Variants in LDLRAD3 observed in about 807,000 individuals in gnomAD.
LDLRAD3 encodes the protein low density lipoprotein receptor class A domain containing 3.
In LDLRAD3, 20 loss-of-function variants were observed where a neutral mutation model predicts 29.4. The ratio of observed to expected loss-of-function variants is 0.68; its 90% CI spans 0.48 to 0.99. LDLRAD3 has a LOEUF of 0.99. Ranked by LOEUF, LDLRAD3 falls within the 50% of genes least tolerant of loss-of-function variation. LDLRAD3 has a pLI of 0.00. For synonymous variants in LDLRAD3, 157 were observed against 192.7 expected, an observed-to-expected ratio of 0.81 and a Z score of 1.53; for missense variants, 420 against 454.3, an observed-to-expected ratio of 0.92 and a Z score of 0.69.
intron 1 of LDLRAD3, among the ~76,000 whole-genome samples, chr11:36,013,558 T>C (rs1450193124): frequency 6.7e-6 from 1 of 150,304 alleles, no homozygotes; most frequent in African/African-American, 2.4e-5. Flanking sequence ...ACATGTGGTG[T>C]TTGGTTTTCT....
chr11:36,128,596 C>T (rs1017433862), intron 4 of LDLRAD3, among the ~76,000 whole-genome samples: 1 of 152,150 alleles, frequency 6.6e-6, no homozygotes, highest in Non-Finnish European at 1.5e-5. Context: ...TGCCTGTAAT[C>T]CCAACACTTT....
chr11:36,075,852 A>G (rs1342728298), intron 2 of LDLRAD3, among the ~76,000 whole-genome samples: 1 of 151,824 alleles, frequency 6.6e-6, no homozygotes, highest in Non-Finnish European at 1.5e-5. Flanking sequence ...ACCGTTGTTG[A>G]TTTTGTTGCT....
At chr11:36,192,946 C>T (rs1854977694) in intron 4 of LDLRAD3, among the ~76,000 whole-genome samples, 1 of 152,188 alleles carries the variant, frequency 6.6e-6, no homozygotes, top group Non-Finnish European at 1.5e-5. Context: ...GGGTGCAACT[C>T]AGAGGAAGTT....
intron 3 of LDLRAD3, among the ~76,000 whole-genome samples, chr11:36,091,739 C>A (rs1425951962): frequency 6.6e-6 from 1 of 152,152 alleles, no homozygotes; most frequent in African/African-American, 2.4e-5. Context: ...GACTGGTAAG[C>A]CACAACGAGG....
chr11:36,224,665 T>C (rs1310781126), intron 4 of LDLRAD3, among the ~76,000 whole-genome samples: 3 of 152,228 alleles, frequency 2.0e-5, no homozygotes. Flanking sequence ...AGAATCTTTG[T>C]AGCTTTTAGT....
intron 4 of LDLRAD3, among the ~76,000 whole-genome samples, chr11:36,219,399 C>T (rs4485080): frequency 0.15 from 23,522 of 152,052 alleles, 2,590 homozygotes; most frequent in African/African-American, 0.31. Context: ...TACCTCATTT[C>T]GAGACTTAAC....
chr11:36,017,822 C>T (rs958575067), intron 1 of LDLRAD3, among the ~76,000 whole-genome samples: 9 of 152,180 alleles, frequency 5.9e-5, no homozygotes, highest in African/African-American at 1.9e-4. Flanking sequence ...CTACATCTGG[C>T]CCATGTTTCA....
chr11:36,078,599 G>T (rs1484669389), intron 2 of LDLRAD3, among the ~76,000 whole-genome samples: 2 of 152,214 alleles, frequency 1.3e-5, no homozygotes, highest in African/African-American at 4.8e-5. Context: ...TGGGAGTAAG[G>T]GGGGCCCAGG....
chr11:36,083,598 A>G (rs549171039), intron 3 of LDLRAD3, among the ~76,000 whole-genome samples: 3 of 152,282 alleles, frequency 2.0e-5, no homozygotes, highest in Non-Finnish European at 4.4e-5. Flanking sequence ...AGAAGACCAT[A>G]GTTACTAGGA....
chr11:36,039,032 T>A (rs927174919), intron 2 of LDLRAD3, among the ~76,000 whole-genome samples: 1 of 151,112 alleles, frequency 6.6e-6, no homozygotes, highest in East Asian at 2.0e-4. Flanking sequence ...TGCAGTGGCG[T>A]GATCTCGGCT....
intron 1 of LDLRAD3, among the ~76,000 whole-genome samples, chr11:35,968,926 G>A (rs1851375661): frequency 6.6e-6 from 1 of 152,094 alleles, no homozygotes. Context: ...TCATCATTTG[G>A]TAACTGGCAG....
In LDLRAD3 at chr11:36,156,913, A is replaced by T. The variant is rs146833240; in HGVS notation, c.454+58452A>T. Among the ~76,000 whole-genome samples the T allele has an allele frequency of 4.6e-5, 7 of 152,258 alleles. No individual in the cohort carries two copies. The East Asian group carries it at 1.4e-3, about 29-fold the overall frequency. On this transcript the variant is annotated intron_variant, in intron 4 of 5. Coordinates refer to ENST00000315571, the MANE Select transcript of LDLRAD3 (RefSeq NM_174902.4). ...TGTATGTCAGTCACTGCCTTTTCGG[A>T]TCTGGTTGAAAAGCTGCAAATATTT...
At chr11:36,081,925 C>T (rs998568200) in intron 3 of LDLRAD3, 147 bp downstream of exon 3, 1 of 979,298 alleles carries the variant, frequency 1.0e-6, no homozygotes, top group South Asian at 1.7e-5. Flanking sequence ...TTCCCTACTT[C>T]TTGTGTAAAT....
intron 4 of LDLRAD3, among the ~76,000 whole-genome samples, chr11:36,199,581 A>ACACACACC (rs1855088118): frequency 7.1e-6 from 1 of 140,876 alleles, no homozygotes; most frequent in Non-Finnish European, 1.6e-5. Context: ...ACACACACAC[A>ACACACACC]CACACACGCA....
chr11:35,993,180 G>C (rs951333439), intron 1 of LDLRAD3, among the ~76,000 whole-genome samples: 1 of 152,290 alleles, frequency 6.6e-6, no homozygotes, highest in African/African-American at 2.4e-5. Flanking sequence ...CACTGTGCTA[G>C]CTAAGAGGTT....
intron 2 of LDLRAD3, among the ~76,000 whole-genome samples, chr11:36,070,761 C>G (rs895097436): frequency 2.0e-5 from 3 of 152,138 alleles, no homozygotes; most frequent in African/African-American, 7.2e-5. Flanking sequence ...CCTGGGGATC[C>G]TGCTGCAGGT....
At chr11:36,075,645 T>C (rs1206584547) in intron 2 of LDLRAD3, among the ~76,000 whole-genome samples, 1 of 152,238 alleles carries the variant, frequency 6.6e-6, no homozygotes, top group Admixed American at 6.5e-5. Context: ...GTTATTACAA[T>C]AGTGTCTGCT....
chr11:36,168,007 C>G (rs1210366217), intron 4 of LDLRAD3, among the ~76,000 whole-genome samples: 1 of 152,184 alleles, frequency 6.6e-6, no homozygotes, highest in Non-Finnish European at 1.5e-5. Context: ...CCTCCTCTTT[C>G]TTAGACTCCC....
chr11:36,226,503 T>C (rs1407272971), intron 4 of LDLRAD3, among the ~76,000 whole-genome samples: 1 of 152,232 alleles, frequency 6.6e-6, no homozygotes, highest in Non-Finnish European at 1.5e-5. Context: ...GGATAGCATA[T>C]GATACTTTTT....
Sources: allele counts gnomAD v4.1 joint callset (sites outside exome capture counted in the v4.1 genomes callset), GRCh38; gene constraint gnomAD v4.1.1; transcripts MANE v1.5; gene names NCBI Gene and HGNC (gene_info 2026-07-23, HGNC 2026-07-21).